The following TENM3 variants were observed in gnomAD, a reference collection of about 807,000 sequenced individuals.
TENM3 encodes teneurin transmembrane protein 3.
Under a neutral mutation model 255.1 loss-of-function variants are expected in TENM3, and 63 were observed. The observed-to-expected ratio is 0.25, with a 90% CI of 0.20 to 0.30. The LOEUF (loss-of-function observed/expected upper bound fraction) is 0.30, where lower values mean the gene tolerates loss of function less well. Among genes scored for constraint, TENM3 ranks in the 10% least tolerant of loss-of-function variants. The pLI is 1.00. For synonymous variants in TENM3, 1,306 were observed against 1,322.3 expected, an observed-to-expected ratio of 0.99 and a Z score of 0.27; for missense variants, 2,929 against 3,461.1, an observed-to-expected ratio of 0.85 and a Z score of 3.86.
chr4:182,524,060 A>T (rs1190514280), intron 3 of TENM3, among the ~76,000 whole-genome samples: 1 of 152,162 alleles, frequency 6.6e-6, no homozygotes, highest in African/African-American at 2.4e-5. Context: ...ACTCCTTCCC[A>T]TTACCTCTGT....
the TENM3 span, among the ~76,000 whole-genome samples, chr4:181,810,071 G>A: frequency 6.6e-5 from 10 of 151,962 alleles, no homozygotes; most frequent in Non-Finnish European, 1.2e-4. Context: ...AAGGTGGCTC[G>A]AGGTAAATAA....
chr4:181,629,764 C>T, the TENM3 span, among the ~76,000 whole-genome samples: 11,509 of 152,150 alleles, frequency 0.076, 493 homozygotes, highest in East Asian at 0.14. Flanking sequence ...ATTTTTGCAT[C>T]GATGTTCATC....
the TENM3 span, chr4:181,877,229 G>A: frequency 6.6e-6 from 1 of 152,052 alleles, no homozygotes; most frequent in Non-Finnish European, 1.5e-5. Flanking sequence ...TGTCTGAAGC[G>A]GGATTTGAGT....
At position 182,731,050 on chromosome 4, in the gene TENM3, G is replaced by C. The variant is rs777457308; in HGVS notation, c.2878G>C (p.Val960Leu). 4 of 1,613,720 alleles carry C rather than the reference G, an allele frequency of 2.5e-6. No homozygotes were observed. The highest frequency in any genetic ancestry group is 3.4e-6 in the Non-Finnish European group (4 of 1,179,850). The stretch of plus-strand genomic sequence containing the variant: ...TCCCAGCTGTGATCTGAGTGGATTC[G>C]TGAGGCCAAATCCCATCATTGTGTC... The part of the protein sequence containing the change: ...DIPSCDLSGF[V>L]RPNPIIVSSP... Residue 960 changes from valine (V) to leucine (L), a missense_variant, in exon 16 of 28, where the codon GTG (valine) becomes CTG (leucine). Val to Leu is a conservative substitution (Grantham distance 32). Coordinates refer to ENST00000511685, the MANE Select transcript of TENM3 (RefSeq NM_001080477.4).
the TENM3 span, among the ~76,000 whole-genome samples, chr4:181,860,821 T>C: frequency 6.6e-6 from 1 of 152,196 alleles, no homozygotes; most frequent in Non-Finnish European, 1.5e-5. Context: ...TGGAGTCATT[T>C]GCAGACTTTT....
chr4:182,600,128 G>C, intron 3 of TENM3, among the ~76,000 whole-genome samples: 1 of 152,164 alleles, frequency 6.6e-6, no homozygotes, highest in East Asian at 1.9e-4. Context: ...AAAAATATTT[G>C]TATCACTGAC....
At chr4:181,789,048 G>T in the TENM3 span, among the ~76,000 whole-genome samples, 1 of 152,172 alleles carries the variant, frequency 6.6e-6, no homozygotes, top group South Asian at 2.1e-4. Context: ...TGGCTAGGTG[G>T]TATGGTATAA....
At chr4:181,459,042 G>A in the TENM3 span, among the ~76,000 whole-genome samples, 19 of 151,804 alleles carry the variant, frequency 1.3e-4, no homozygotes, top group South Asian at 6.2e-4. Context: ...TTTTATTTGC[G>A]CCACATTTTC....
At chr4:181,986,957 G>A in the TENM3 span, among the ~76,000 whole-genome samples, 323 of 152,152 alleles carry the variant, frequency 2.1e-3, no homozygotes, top group African/African-American at 7.3e-3. Flanking sequence ...GAATGGGTGT[G>A]TTTTATTTTC....
rs769458015 is a variant in TENM3, at chr4:182,796,691, G to A, written c.7268G>A (p.Gly2423Glu). The change falls in exon 27 of 28, where the codon GGA becomes GAA. Residue 2423 changes from glycine (G) to glutamate (E), a missense_variant. By Grantham distance (98) the Gly-to-Glu change is moderately conservative. This residue lies in a region of TENM3 where 476 missense variants were observed against 480.1 expected (regional missense o/e 0.99). Transcript: ENST00000511685. ...FGFHLHNAIP[G>E]FPVPKFDLTE... The stretch of plus-strand genomic sequence containing the variant: ...TTCCATCTGCACAATGCTATTCCTG[G>A]ATTCCCTGTTCCCAAATTTGATTTA... 1.9e-6 allele frequency: 3 copies of A among 1,613,020 alleles called. No individual in the cohort carries two copies. Among genetic ancestry groups the A allele is most frequent in the East Asian group, 4.5e-5 (2 of 44,862 alleles).
chr4:182,352,509 T>A (rs1417322005), intron 3 of TENM3, among the ~76,000 whole-genome samples: 1 of 152,178 alleles, frequency 6.6e-6, no homozygotes, highest in East Asian at 1.9e-4. Flanking sequence ...ACTTCATTTC[T>A]CACCTAAGTT....
the TENM3 span, among the ~76,000 whole-genome samples, chr4:181,482,732 A>G: frequency 6.6e-6 from 1 of 152,132 alleles, no homozygotes; most frequent in African/African-American, 2.4e-5. Flanking sequence ...TAGAAGGTCC[A>G]CTGCATATGT....
chr4:181,815,937 A>G, the TENM3 span, among the ~76,000 whole-genome samples: 1 of 152,340 alleles, frequency 6.6e-6, no homozygotes, highest in East Asian at 1.9e-4. Context: ...AAAGAGCATC[A>G]ATGTTCAGAG....
the TENM3 span, among the ~76,000 whole-genome samples, chr4:181,536,973 T>C: frequency 2.6e-4 from 40 of 152,346 alleles, no homozygotes; most frequent in African/African-American, 9.4e-4. Context: ...CATCAGCTTA[T>C]TAACTTCACC....
chr4:181,874,385 T>C, the TENM3 span: 1 of 152,236 alleles, frequency 6.6e-6, no homozygotes, highest in Admixed American at 6.5e-5. Context: ...TCTGTCGACA[T>C]TTGCTTCACA....
At chr4:181,775,347 T>A in the TENM3 span, among the ~76,000 whole-genome samples, 2,120 of 152,260 alleles carry the variant, frequency 0.014, 56 homozygotes, top group African/African-American at 0.049. Context: ...TCAATTGCTT[T>A]GGAGATGGTG....
chr4:182,560,473 T>C (rs1004978042), intron 3 of TENM3, among the ~76,000 whole-genome samples: 1 of 152,142 alleles, frequency 6.6e-6, no homozygotes, highest in Non-Finnish European at 1.5e-5. Context: ...TTCCCAGTAA[T>C]GCCAGCAGAA....
At chr4:181,919,592 T>C in the TENM3 span, among the ~76,000 whole-genome samples, 1 of 152,042 alleles carries the variant, frequency 6.6e-6, no homozygotes, top group East Asian at 1.9e-4. Flanking sequence ...GGTTGAAAGG[T>C]GGCAGGAGAA....
the TENM3 span, among the ~76,000 whole-genome samples, chr4:182,054,494 G>C: frequency 6.6e-6 from 1 of 151,926 alleles, no homozygotes; most frequent in South Asian, 2.1e-4. Flanking sequence ...AGGAGATTGG[G>C]ACAAAAACAA....
Sources: allele counts gnomAD v4.1 joint callset (sites outside exome capture counted in the v4.1 genomes callset), GRCh38; gene constraint gnomAD v4.1.1; regional missense constraint gnomAD v4.1.1; transcripts MANE v1.5; gene names NCBI Gene and HGNC (gene_info 2026-07-23, HGNC 2026-07-21).